Variants in PLXNA2 observed in about 807,000 individuals in gnomAD.
PLXNA2 encodes plexin-A2.
A neutral mutation model predicts 193.5 loss-of-function variants in PLXNA2; 91 were observed. That is an observed-to-expected ratio of 0.47 (90% CI 0.40 to 0.56). The LOEUF (loss-of-function observed/expected upper bound fraction) is 0.56. PLXNA2 is among the 20% of genes least tolerant of loss of function. PLXNA2 has a pLI of 0.00. For synonymous variants in PLXNA2, 997 were observed against 1,027.3 expected, an observed-to-expected ratio of 0.97 and a Z score of 0.56; for missense variants, 1,995 against 2,503.2, an observed-to-expected ratio of 0.80 and a Z score of 4.33.
intron 26 of PLXNA2, among the ~76,000 whole-genome samples, chr1:208,036,902 G>A (rs1356971153): frequency 1.3e-5 from 2 of 152,184 alleles, no homozygotes; most frequent in African/African-American, 4.8e-5. Flanking sequence ...GAAGCAGAAA[G>A]ACCCCACTCC....
In PLXNA2 at chr1:208,216,825, C is replaced by G. The variant is rs900854110; in HGVS notation, c.1098G>C (p.Gln366His). 6.2e-7 allele frequency: 1 copy of G among 1,614,194 alleles called. No individual in the cohort carries two copies. Among genetic ancestry groups the G allele is most frequent in the Non-Finnish European group, 8.5e-7 (1 of 1,180,040 alleles). Residue 366 changes from glutamine to histidine, a missense_variant, in exon 2 of 32, where the codon CAG becomes CAC. Physicochemically the swap from Gln to His is conservative, Grantham distance 24. Around this residue, in one of 3 missense-constraint regions of PLXNA2, gnomAD observed 702 missense variants for 812.9 expected, o/e 0.86. Transcript: ENST00000367033. ...CAFPIRAINL[Q>H]IKERLQSCYQ... ...AGCAGGACTGCAGGCGCTCCTTGATCTGCAAGTTGATGGCCCGGATAGGGA... is the reference window on the plus strand; with the variant it reads ...AGCAGGACTGCAGGCGCTCCTTGATGTGCAAGTTGATGGCCCGGATAGGGA...
intron 1 of PLXNA2, among the ~76,000 whole-genome samples, chr1:208,235,918 G>A (rs1390649676): frequency 6.6e-6 from 1 of 152,182 alleles, no homozygotes; most frequent in Non-Finnish European, 1.5e-5. Context: ...ATAAACCTCA[G>A]GGGGTGGGGT....
chr1:208,215,894 G>A (rs1214919241), intron 2 of PLXNA2, among the ~76,000 whole-genome samples: 3 of 152,120 alleles, frequency 2.0e-5, no homozygotes, highest in African/African-American at 7.2e-5. Context: ...CCTCAGGTCT[G>A]GATTCTGAGC....
chr1:208,230,805 C>G (rs1415635478), intron 1 of PLXNA2, among the ~76,000 whole-genome samples: 1 of 152,204 alleles, frequency 6.6e-6, no homozygotes, highest in Admixed American at 6.5e-5. Context: ...GTCTGAGACT[C>G]CCAGCTCTTG....
intron 1 of PLXNA2, chr1:208,218,204 T>C: frequency 1.8e-6 from 1 of 551,164 alleles, no homozygotes; most frequent in Non-Finnish European, 3.2e-6. Context: ...CTAGCCTTTA[T>C]GCTATAAAAT....
rs530408326 is a variant in PLXNA2 at position 208,217,656 on chromosome 1, C to T, written c.267G>A (p.Glu89=). 6.7e-5 allele frequency: 108 copies of T among 1,614,184 alleles called. 2 individuals are homozygous for T. In the South Asian group the frequency reaches 9.1e-4, roughly 14 times the overall value. Reference sequence around the variant, plus strand: ...GGGGCGGGTAACAAGACTTGTTGTCCTCTTCTGGCCCTGTCTTATGAGCCA... The same window carrying T: ...GGGGCGGGTAACAAGACTTGTTGTCTTCTTCTGGCCCTGTCTTATGAGCCA... ...IQVAHKTGPE[E]DNKSCYPPLI... Residue 89 remains glutamate (E), a synonymous_variant, in exon 2 of 32, where the codon GAG becomes GAA. Coordinates refer to ENST00000367033, the MANE Select transcript of PLXNA2 (RefSeq NM_025179.4). The surrounding 1 kb of genome is among the most constrained non-coding windows in gnomAD (Gnocchi z 4.7).
At chr1:208,060,962 T>TC in intron 12 of PLXNA2, 125 bp from the exon 13 acceptor site, 4 of 756,900 alleles carry the variant, frequency 5.3e-6, no homozygotes, top group Non-Finnish European at 8.5e-6. Context: ...CACCAGGAAT[T>TC]CTGGTGAGTG....
At chr1:208,030,574 C>A (rs544077452) in intron 29 of PLXNA2, 1 of 985,406 alleles carries the variant, frequency 1.0e-6, no homozygotes, top group South Asian at 4.7e-5. Flanking sequence ...GAGGAAGGCT[C>A]AGCGACCACA....
Position 208,233,034 on chromosome 1 carries a change from G to T in PLXNA2, c.-81+10609C>A, listed in dbSNP as rs140384248. Among the ~76,000 whole-genome samples the T allele has an allele frequency of 2.6e-3, 395 of 152,308 alleles. 1 individual carries two copies. The highest frequency in any genetic ancestry group is 4.1e-3 in the Non-Finnish European group (278 of 68,036). ...CTTCTTGAGACCTGGCCATCTTCTA[G>T]CCTCTGCTTGAATTCCCTAAATGTT... is the stretch of plus-strand genomic sequence containing the variant. On this transcript the variant is annotated intron_variant, in intron 1 of 31. Coordinates refer to ENST00000367033, the MANE Select transcript of PLXNA2 (RefSeq NM_025179.4).
intron 12 of PLXNA2, among the ~76,000 whole-genome samples, chr1:208,078,804 C>T (rs532678352): frequency 9.2e-5 from 14 of 152,184 alleles, no homozygotes; most frequent in African/African-American, 3.1e-4. Context: ...GGAAATGGCA[C>T]GGTGGCTAAT....
chr1:208,145,099 A>G (rs1384601385), intron 3 of PLXNA2, among the ~76,000 whole-genome samples: 1 of 152,174 alleles, frequency 6.6e-6, no homozygotes, highest in African/African-American at 2.4e-5. Context: ...TTTAGTCACA[A>G]AAGTTCTTGG....
At chr1:208,068,692 A>G (rs1308834062) in intron 12 of PLXNA2, among the ~76,000 whole-genome samples, 1 of 152,204 alleles carries the variant, frequency 6.6e-6, no homozygotes, top group Non-Finnish European at 1.5e-5. Context: ...CTTGTCACAC[A>G]CGCCATTAAC....
intron 1 of PLXNA2, among the ~76,000 whole-genome samples, chr1:208,218,660 G>C (rs1671224637): frequency 6.6e-6 from 1 of 152,228 alleles, no homozygotes; most frequent in South Asian, 2.1e-4. Flanking sequence ...TGTTAGAACA[G>C]CTGTTAGAAC....
At chr1:208,072,328 C>T (rs1039526645) in intron 12 of PLXNA2, among the ~76,000 whole-genome samples, 15 of 152,292 alleles carry the variant, frequency 9.8e-5, no homozygotes, top group South Asian at 2.1e-4. Context: ...ATCAATGTGG[C>T]CTTATGGTGC....
At chr1:208,095,730 C>T (rs1378248663) in intron 8 of PLXNA2, among the ~76,000 whole-genome samples, 1 of 152,126 alleles carries the variant, frequency 6.6e-6, no homozygotes, top group Non-Finnish European at 1.5e-5. Context: ...AAATGAAGAA[C>T]TTTTTTTACG....
intron 31 of PLXNA2, 117 bp downstream of exon 31, chr1:208,027,892 G>A (rs143527914): frequency 2.2e-6 from 2 of 913,026 alleles, no homozygotes; most frequent in East Asian, 2.8e-5. Flanking sequence ...TAATTTTCGA[G>A]CTCATGGGCT....
chr1:208,056,800 A>C (rs1402977267), intron 13 of PLXNA2, among the ~76,000 whole-genome samples: 1 of 152,144 alleles, frequency 6.6e-6, no homozygotes, highest in Admixed American at 6.5e-5. Flanking sequence ...CCCCCTTCTC[A>C]GCTGTGGAAT....
At position 208,045,081 on chromosome 1, in the gene PLXNA2, G is replaced by A; in HGVS notation, c.3625C>T (p.Gln1209Ter). 1.2e-6 allele frequency: 2 copies of A among 1,614,146 alleles called. No individual in the cohort carries two copies. The highest frequency in any genetic ancestry group is 1.7e-6 in the Non-Finnish European group (2 of 1,180,016). The change falls in exon 19 of 32, where the codon CAG (glutamine) becomes TAG (stop). Residue 1209 changes from glutamine to a stop codon, truncating the protein, a stop_gained. Transcript: ENST00000367033. LOFTEE classifies it high-confidence loss of function. ...LLCEPPNLTG[Q>*]HKVMVHVGGM... is the part of the protein sequence containing the mutation. ...GGCTCACTCACCATGACCTTGTGCT[G>A]CCCGGTGAGGTTGGGAGGCTCGCAG...
chr1:208,174,367 G>T (rs1294785097), intron 3 of PLXNA2, among the ~76,000 whole-genome samples: 1 of 151,382 alleles, frequency 6.6e-6, no homozygotes, highest in African/African-American at 2.4e-5. Context: ...CCTGGGGGAG[G>T]GAAGGAGGAA....
Sources: gnomAD v4.1 joint callset for allele counts (sites outside exome capture counted in the v4.1 genomes callset) on GRCh38, gnomAD v4.1.1 for gene constraint, gnomAD v4.1.1 regional missense constraint, Gnocchi (gnomAD v3.1) non-coding constraint, MANE v1.5 for transcripts, NCBI Gene and HGNC (gene_info 2026-07-23, HGNC 2026-07-21) for gene names.